RALYL: variants seen among roughly 807,000 people sequenced by gnomAD.
RALYL encodes the protein RNA-binding Raly-like protein.
In RALYL, 29 loss-of-function variants were observed where a neutral mutation model predicts 35.1. The ratio of observed to expected loss-of-function variants is 0.83; its 90% confidence interval spans 0.61 to 1.13. RALYL has a LOEUF of 1.13. Ranked by LOEUF, RALYL falls within the 50% of genes most tolerant of loss-of-function variation. The probability of loss-of-function intolerance (pLI) is 0.00; values close to 1 mark genes in which losing one functional copy is unlikely to be tolerated. For missense variants in RALYL, 359 were observed against 360.4 expected (o/e 1.00, Z 0.03); for synonymous variants, 120 against 127.6 (o/e 0.94, Z 0.40).
intron 2 of RALYL, among the ~76,000 whole-genome samples, chr8:84,631,904 C>T (rs1823989405): frequency 6.6e-6 from 1 of 151,922 alleles, no homozygotes; most frequent in Non-Finnish European, 1.5e-5. Context: ...ATTGGCATTA[C>T]TTATTTATAT....
chr8:84,429,387 T>C (rs1356951853), intron 1 of RALYL, among the ~76,000 whole-genome samples: 1 of 152,192 alleles, frequency 6.6e-6, no homozygotes, highest in African/African-American at 2.4e-5. Flanking sequence ...ATTGTAGCTG[T>C]AGTTTTGATC....
intron 4 of RALYL, among the ~76,000 whole-genome samples, chr8:84,809,739 T>A (rs563484727): frequency 6.6e-6 from 1 of 152,160 alleles, no homozygotes; most frequent in African/African-American, 2.4e-5. Flanking sequence ...AATTTATCCA[T>A]CTGTTCTAGG....
At chr8:84,621,604 G>A (rs1821507644) in intron 2 of RALYL, among the ~76,000 whole-genome samples, 1 of 152,146 alleles carries the variant, frequency 6.6e-6, no homozygotes, top group Non-Finnish European at 1.5e-5. Context: ...TTCCTATTCA[G>A]CCATCTTGGC....
chr8:84,427,551 A>G (rs544620471), intron 1 of RALYL, among the ~76,000 whole-genome samples: 1 of 152,206 alleles, frequency 6.6e-6, no homozygotes, highest in Admixed American at 6.5e-5. Context: ...TTTAAAAAAA[A>G]ACCTTTCAAG....
In RALYL at chr8:84,235,761, C is replaced by CTT. The variant is rs200486763; in HGVS notation, c.-24+51341_-24+51342dup. Reference sequence around the variant, plus strand: ...ATCCAATGCATTTCTTTTTCTTTTTCTTTTTCTTTTTTTTTTTTTTTTTTG... The same window carrying CTT: ...ATCCAATGCATTTCTTTTTCTTTTTCTTTTTTTCTTTTTTTTTTTTTTTTTTG... On this transcript the variant is annotated intron_variant, in intron 1 of 8. Transcript: ENST00000521268. 2.1e-3 allele frequency among the ~76,000 whole-genome samples: 292 copies of CTT among 137,964 alleles called. 3 individuals carry two copies. The highest frequency in any genetic ancestry group is 6.1e-3 in the African/African-American group (218 of 35,972). 90.5% of individuals were successfully genotyped at this position (137,964 alleles called of 152,430 possible).
chr8:84,432,315 G>C (rs1241858361), intron 1 of RALYL, among the ~76,000 whole-genome samples: 1 of 152,094 alleles, frequency 6.6e-6, no homozygotes, highest in Admixed American at 6.6e-5. Context: ...CTTATATGAG[G>C]AGTCTAAAAT....
intron 1 of RALYL, among the ~76,000 whole-genome samples, chr8:84,415,685 T>G (rs1037006510): frequency 4.0e-5 from 6 of 151,430 alleles, no homozygotes; most frequent in Non-Finnish European, 7.4e-5. Flanking sequence ...GAGACACTGG[T>G]TTTTTTTTCT....
intron 1 of RALYL, among the ~76,000 whole-genome samples, chr8:84,373,472 G>T (rs1856320545): frequency 6.6e-6 from 1 of 152,008 alleles, no homozygotes; most frequent in Admixed American, 6.6e-5. Flanking sequence ...TTAGTGAACA[G>T]GGAATTATTT....
chr8:84,574,527 A>G (rs1287661101), intron 2 of RALYL, among the ~76,000 whole-genome samples: 3 of 152,190 alleles, frequency 2.0e-5, no homozygotes, highest in African/African-American at 7.2e-5. Flanking sequence ...TCGACCCAGA[A>G]AGCCTATTAT....
intron 2 of RALYL, among the ~76,000 whole-genome samples, chr8:84,749,622 A>T (rs1027892400): frequency 3.9e-5 from 6 of 152,180 alleles, no homozygotes; most frequent in Non-Finnish European, 5.9e-5. Context: ...AAAAATCCAC[A>T]GGACATAAAT....
chr8:84,454,647 A>G (rs1210142967), intron 1 of RALYL, among the ~76,000 whole-genome samples: 5 of 152,096 alleles, frequency 3.3e-5, no homozygotes, highest in Admixed American at 6.6e-5. Context: ...TTCACTTGGC[A>G]TTCGCCTTCG....
At chr8:84,622,771 G>A (rs1410280556) in intron 2 of RALYL, among the ~76,000 whole-genome samples, 1 of 152,066 alleles carries the variant, frequency 6.6e-6, no homozygotes, top group Non-Finnish European at 1.5e-5. Flanking sequence ...AGAAAATAAT[G>A]GGAAATAAAG....
At chr8:84,539,844 ATATATATATG>A (rs1564110281) in intron 2 of RALYL, among the ~76,000 whole-genome samples, 1,722 of 16,114 alleles carry the variant, frequency 0.11, 28 homozygotes, top group East Asian at 0.19. Context: ...ATATATATAT[ATATATATATG>A]TATATATATA....
intron 2 of RALYL, among the ~76,000 whole-genome samples, chr8:84,737,715 T>C (rs771617628): frequency 1.3e-5 from 2 of 151,758 alleles, no homozygotes; most frequent in Non-Finnish European, 2.9e-5. Flanking sequence ...AGGAGGGGTA[T>C]TGGGGAGGTG....
chr8:84,313,420 G>A lies in RALYL; in HGVS notation c.-24+128996G>A, dbSNP rs541915517. Among the ~76,000 whole-genome samples the A allele has an allele frequency of 1.5e-3, 226 of 152,146 alleles. 1 individual carries two copies. The highest frequency in any genetic ancestry group is 0.014 in the Admixed American group (221 of 15,292). Reference sequence around the variant, plus strand: ...CCCAGAAAGTGGGGTTTTCTATCACGGTCAGTCTGCAAATCTTCCAAACCA... The same window carrying A: ...CCCAGAAAGTGGGGTTTTCTATCACAGTCAGTCTGCAAATCTTCCAAACCA... On this transcript the variant is annotated intron_variant, in intron 1 of 8. Transcript: ENST00000521268.
intron 2 of RALYL, among the ~76,000 whole-genome samples, chr8:84,696,675 ACT>A (rs1469830653): frequency 4.1e-5 from 6 of 147,566 alleles, no homozygotes; most frequent in Non-Finnish European, 3.1e-5. Context: ...AAAATGTGAG[ACT>A]CTTTTTTTCC....
chr8:84,250,682 T>A (rs1038937960), intron 1 of RALYL, among the ~76,000 whole-genome samples: 1 of 152,188 alleles, frequency 6.6e-6, no homozygotes, highest in South Asian at 2.1e-4. Context: ...CTTCAAAAAA[T>A]TATATGCAAA....
At chr8:84,864,960 A>G (rs1838880534) in intron 6 of RALYL, 1 of 208,316 alleles carries the variant, frequency 4.8e-6, no homozygotes, top group Non-Finnish European at 9.6e-6. Context: ...ATATAGTTCT[A>G]TAAATTTAGA....
intron 1 of RALYL, among the ~76,000 whole-genome samples, chr8:84,349,075 G>A (rs1222058989): frequency 6.7e-6 from 1 of 150,124 alleles, no homozygotes; most frequent in Admixed American, 6.6e-5. Context: ...TGGATAGTCC[G>A]AGGTCCAGGG....
Sources: allele counts gnomAD v4.1 joint callset (sites outside exome capture counted in the v4.1 genomes callset), GRCh38; gene constraint gnomAD v4.1.1; transcripts MANE v1.5; gene names NCBI Gene and HGNC (gene_info 2026-07-23, HGNC 2026-07-21).